Variants in LEPR observed in about 807,000 individuals in gnomAD.
LEPR encodes the protein OB receptor.
Under a neutral mutation model 114.7 loss-of-function variants are expected in LEPR, and 56 were observed. The observed-to-expected ratio is 0.49, with a 90% CI of 0.39 to 0.61. The LOEUF (loss-of-function observed/expected upper bound fraction) is 0.61. Among genes scored for constraint, LEPR ranks in the 20% least tolerant of loss-of-function variants. The pLI is 0.00. For synonymous variants in LEPR, 443 were observed against 461.4 expected (o/e 0.96, Z 0.51); for missense variants, 1,202 against 1,352.9 (o/e 0.89, Z 1.75).
At position 65,558,501 on chromosome 1, in the gene LEPR, GT is replaced by G. The variant is rs781558613; in HGVS notation, c.-20-7030del. Among the ~76,000 whole-genome samples the G allele has an allele frequency of 3.7e-3, 85 of 23,156 alleles. 1 individual carries two copies. The East Asian group carries it at 0.038, about 10-fold the overall frequency. 15.2% of individuals were successfully genotyped at this position (23,156 alleles called of 152,430 possible). Reference sequence around the variant, plus strand: ...TGAGTCATGAGACATGTTTCTTAATGTTTTTTTTTTTTTTTGAATCAGAAGT... The same window carrying G: ...TGAGTCATGAGACATGTTTCTTAATGTTTTTTTTTTTTTTGAATCAGAAGT... On this transcript the variant is annotated intron_variant, in intron 2 of 19. Transcript: ENST00000349533.
At chr1:65,476,270 C>T (rs1462662365) in intron 2 of LEPR, among the ~76,000 whole-genome samples, 4 of 151,668 alleles carry the variant, frequency 2.6e-5, no homozygotes, top group African/African-American at 9.7e-5. Context: ...AAAATGACAA[C>T]TGATGTCACA....
intron 2 of LEPR, among the ~76,000 whole-genome samples, chr1:65,464,481 A>G (rs945355542): frequency 4.6e-5 from 7 of 152,128 alleles, no homozygotes; most frequent in Non-Finnish European, 8.8e-5. Context: ...TTGGCCTAAA[A>G]TTCTCTTTTT....
chr1:65,426,929 T>C (rs181722378), intron 2 of LEPR, among the ~76,000 whole-genome samples: 344 of 150,158 alleles, frequency 2.3e-3, no homozygotes, highest in Non-Finnish European at 4.2e-3. Flanking sequence ...ACACAGGAGG[T>C]GGAGGTTGTA....
chr1:65,609,869 A>G, intron 12 of LEPR, 78 bp from the exon 13 acceptor site: 4 of 1,597,320 alleles, frequency 2.5e-6, no homozygotes, highest in Non-Finnish European at 3.4e-6. Context: ...TTAAGGTTTA[A>G]AATAAAATGT....
chr1:65,572,783 C>T (rs1387830182), intron 5 of LEPR, among the ~76,000 whole-genome samples: 1 of 152,112 alleles, frequency 6.6e-6, no homozygotes, highest in Admixed American at 6.5e-5. Context: ...ACAGGTGAAA[C>T]GTAGTTTTAT....
intron 2 of LEPR, chr1:65,432,462 GT>G (rs1330010380): frequency 1.6e-6 from 1 of 615,878 alleles, no homozygotes; most frequent in African/African-American, 2.0e-5. Flanking sequence ...GCACATGAAA[GT>G]TTGAGAAGCA....
At chr1:65,467,629 C>A (rs1157670105) in intron 2 of LEPR, among the ~76,000 whole-genome samples, 1 of 152,234 alleles carries the variant, frequency 6.6e-6, no homozygotes, top group Non-Finnish European at 1.5e-5. Flanking sequence ...TTCTACTATA[C>A]CCTGCCCCCA....
chr1:65,621,053 A>G (rs1657848441), intron 17 of LEPR, among the ~76,000 whole-genome samples: 1 of 152,192 alleles, frequency 6.6e-6, no homozygotes, highest in Admixed American at 6.6e-5. Flanking sequence ...CAGTCATCAT[A>G]ACAAGTTTGA....
chr1:65,511,520 C>G (rs1382507531), intron 2 of LEPR, among the ~76,000 whole-genome samples: 1 of 151,932 alleles, frequency 6.6e-6, no homozygotes, highest in African/African-American at 2.4e-5. Flanking sequence ...ATCACATTGC[C>G]CCATTCATTA....
chr1:65,454,325 A>T (rs534022636), intron 2 of LEPR, among the ~76,000 whole-genome samples: 3 of 151,944 alleles, frequency 2.0e-5, no homozygotes, highest in Admixed American at 6.6e-5. Flanking sequence ...TCCTGTCATT[A>T]TGATGTTAGC....
chr1:65,433,069 C>CGAG, intron 2 of LEPR: 1 of 985,358 alleles, frequency 1.0e-6, no homozygotes, highest in Non-Finnish European at 1.2e-6. Context: ...AGGCTGGGCT[C>CGAG]GAGCCAGCCC....
intron 16 of LEPR, among the ~76,000 whole-genome samples, chr1:65,619,176 T>A (rs1325580904): frequency 6.6e-6 from 1 of 152,146 alleles, no homozygotes; most frequent in Non-Finnish European, 1.5e-5. Context: ...GAATTTAGCA[T>A]CAGGGTAAAT....
chr1:65,427,798 A>G, intron 2 of LEPR: 1 of 417,436 alleles, frequency 2.4e-6, no homozygotes, highest in South Asian at 1.7e-5. Context: ...CACAACACCC[A>G]GCTGATTTTT....
At chr1:65,441,637 T>C (rs555837654) in intron 2 of LEPR, among the ~76,000 whole-genome samples, 27 of 152,118 alleles carry the variant, frequency 1.8e-4, no homozygotes, top group African/African-American at 6.3e-4. Flanking sequence ...TTTTAGATAA[T>C]AAAGTGAGGA....
At chr1:65,443,340 G>A (rs1646673200) in intron 2 of LEPR, among the ~76,000 whole-genome samples, 1 of 151,980 alleles carries the variant, frequency 6.6e-6, no homozygotes. Context: ...GATCACTTGA[G>A]CCCAGGAGTT....
chr1:65,453,545 G>GT (rs1646819756), intron 2 of LEPR, among the ~76,000 whole-genome samples: 1 of 152,094 alleles, frequency 6.6e-6, no homozygotes. Flanking sequence ...GTACCCAGTA[G>GT]TCATTCAGGA....
chr1:65,588,159 C>T (rs1014626695), intron 5 of LEPR, among the ~76,000 whole-genome samples: 1 of 152,022 alleles, frequency 6.6e-6, no homozygotes, highest in African/African-American at 2.4e-5. Context: ...ATAGTCACTT[C>T]ATTTACACCA....
intron 2 of LEPR, among the ~76,000 whole-genome samples, chr1:65,488,336 TTC>T (rs1491490399): frequency 2.5e-5 from 3 of 121,150 alleles, no homozygotes; most frequent in African/African-American, 8.6e-5. Context: ...CTTCTTCTTC[TTC>T]TTTTTTTTAA....
In LEPR at chr1:65,431,984, A is replaced by G. The variant is rs1461119473; in HGVS notation, c.-21+6606A>G. On this transcript the variant is annotated intron_variant, in intron 2 of 19. Coordinates refer to ENST00000349533, the MANE Select transcript of LEPR (RefSeq NM_002303.6). ...TCATACTATCTGTATACATGTGCACATGCGGCATTTTACTATGAAATTTAA... is the reference window on the plus strand; with the variant it reads ...TCATACTATCTGTATACATGTGCACGTGCGGCATTTTACTATGAAATTTAA... The G allele has an allele frequency of 3.4e-5, 52 of 1,518,846 alleles. No individual in the cohort carries two copies. In the South Asian group the frequency reaches 6.4e-4, roughly 19 times the overall value. The allele number at this position is 1,518,846 out of a possible 1,614,324, so 94.1% of individuals were successfully genotyped here.
Sources: allele counts gnomAD v4.1 joint callset (sites outside exome capture counted in the v4.1 genomes callset), GRCh38; gene constraint gnomAD v4.1.1; transcripts MANE v1.5; gene names NCBI Gene and HGNC (gene_info 2026-07-23, HGNC 2026-07-21).